Variants in EMC3 observed in about 807,000 individuals in gnomAD.
EMC3 encodes the protein 30 kDa protein.
Under a neutral mutation model 36.6 loss-of-function variants are expected in EMC3, and 13 were observed. That is an observed-to-expected ratio of 0.35 (90% CI 0.23 to 0.56). The LOEUF (loss-of-function observed/expected upper bound fraction) is 0.56, where lower values mean the gene tolerates loss of function less well. Among genes scored for constraint, EMC3 ranks in the 20% least tolerant of loss-of-function variants. The probability of loss-of-function intolerance (pLI) is 0.84; values close to 1 mark genes in which losing one functional copy is unlikely to be tolerated. For synonymous variants in EMC3, 120 were observed against 111.9 expected, an observed-to-expected ratio of 1.07 and a Z score of -0.46; for missense variants, 220 against 324.5, an observed-to-expected ratio of 0.68 and a Z score of 2.47.
chr3:9,987,001 G>C (rs1227043087), upstream of EMC3: 1 of 1,078,808 alleles, frequency 9.3e-7, no homozygotes, highest in East Asian at 7.0e-5. Context: ...GGATCACGAG[G>C]TCAGGGGATC....
intron 5 of EMC3, among the ~76,000 whole-genome samples, chr3:9,973,020 G>A (rs2124905211): frequency 6.6e-6 from 1 of 150,952 alleles, no homozygotes; most frequent in African/African-American, 2.4e-5. Flanking sequence ...AGTAGAGATG[G>A]GGTTTCACAG....
At chr3:9,985,550 T>G (rs182088587) in intron 1 of EMC3, among the ~76,000 whole-genome samples, 1 of 152,320 alleles carries the variant, frequency 6.6e-6, no homozygotes, top group African/African-American at 2.4e-5. Context: ...AGGGGCTACA[T>G]GTCTAGATAA....
chr3:9,986,802 G>A lies in EMC3; in HGVS notation c.-141C>T. On this transcript the variant is annotated 5_prime_UTR_variant, in exon 1 of 8. Transcript: ENST00000245046. ...CAGAACTCTCCTGCGACTGTGAGCC[G>A]AGCTTACTGCCTTCAGCTGGGCTGC... is the stretch of plus-strand genomic sequence containing the variant. 2 of 1,450,558 alleles carry A rather than the reference G, an allele frequency of 1.4e-6. No homozygotes were observed. The highest frequency in any genetic ancestry group is 9.1e-7 in the Non-Finnish European group (1 of 1,100,320). 89.9% of individuals were successfully genotyped at this position (1,450,558 alleles called of 1,614,324 possible).
At chr3:10,007,724 G>C in intron 1 of EMC3, 1 of 1,185,084 alleles carries the variant, frequency 8.4e-7, no homozygotes, top group Admixed American at 2.4e-5. Flanking sequence ...ATCTGTGGGT[G>C]CAGATGCCCA....
At chr3:9,984,788 T>C (rs556779329) in intron 1 of EMC3, among the ~76,000 whole-genome samples, 2 of 152,274 alleles carry the variant, frequency 1.3e-5, no homozygotes, top group African/African-American at 2.4e-5. Context: ...CGCTGTAGTA[T>C]AGTGGAAAAA....
upstream of EMC3, among the ~76,000 whole-genome samples, chr3:9,987,528 T>C (rs1265330979): frequency 6.6e-6 from 1 of 152,176 alleles, no homozygotes. Flanking sequence ...GTTGGGCTTC[T>C]CGGGAAGCCA....
At chr3:9,973,253 G>A (rs1243496965) in intron 5 of EMC3, among the ~76,000 whole-genome samples, 115 of 133,786 alleles carry the variant, frequency 8.6e-4, no homozygotes, top group Middle Eastern at 0.011. Flanking sequence ...GGAGTGCAGT[G>A]GCGCAATCTC....
rs1425240557 is a variant in EMC3, at chr3:9,977,042, C to G, written c.222G>C (p.Leu74Phe). ...NGKYIPKQSFLTRKYYFNNPE... is the reference protein window; with the variant it reads ...NGKYIPKQSFFTRKYYFNNPE... Reference sequence around the variant, plus strand: ...GGTTGTTGAAATAATATTTTCGTGTCAAGAAAGACTAGTAAAAAAAAAAAA... The same window carrying G: ...GGTTGTTGAAATAATATTTTCGTGTGAAGAAAGACTAGTAAAAAAAAAAAA... Residue 74 changes from leucine (L) to phenylalanine (F), a missense_variant, in exon 3 of 8, where the codon TTG becomes TTC. Leu to Phe is a conservative substitution (Grantham distance 22, BLOSUM62 0). This residue lies in a region of EMC3 where 127 missense variants were observed against 174.6 expected (regional missense o/e 0.73). Transcript: ENST00000245046. The G allele has an allele frequency of 1.3e-6, 2 of 1,570,200 alleles. No homozygotes were observed. The highest frequency in any genetic ancestry group is 1.7e-6 in the Non-Finnish European group (2 of 1,158,656).
rs1209408583 is a variant in EMC3 at position 9,963,471 on chromosome 3, A to ATTTTTTTT, written c.*597_*598insAAAAAAAA. The ATTTTTTTT allele has an allele frequency of 2.7e-4, 30 of 109,890 alleles. No individual in the cohort carries two copies. The highest frequency in any genetic ancestry group is 1.0e-3 in the African/African-American group (29 of 28,416). 6.8% of individuals were successfully genotyped at this position (109,890 alleles called of 1,614,324 possible). On this transcript the variant is annotated 3_prime_UTR_variant, in exon 8 of 8. Transcript: ENST00000245046. ...CTAAGATAGATATATATATATATATATATATATTTTTTTTTTTTTTTCAGA... is the reference window on the plus strand; with the variant it reads ...CTAAGATAGATATATATATATATATATTTTTTTTTATATATTTTTTTTTTTTTTTCAGA...
At chr3:9,983,336 T>C (rs1028583589) in intron 1 of EMC3, among the ~76,000 whole-genome samples, 6 of 151,982 alleles carry the variant, frequency 3.9e-5, no homozygotes, top group Non-Finnish European at 8.8e-5. Flanking sequence ...TTAGCAGAGA[T>C]GGGGTTTCAC....
upstream of EMC3, among the ~76,000 whole-genome samples, chr3:9,991,672 G>A (rs2086054035): frequency 6.6e-6 from 1 of 152,076 alleles, no homozygotes; most frequent in African/African-American, 2.4e-5. Context: ...GAGCCTTCAT[G>A]CCCAGCCTGA....
At chr3:9,981,352 T>C (rs1324069169) in intron 1 of EMC3, among the ~76,000 whole-genome samples, 2 of 152,178 alleles carry the variant, frequency 1.3e-5, no homozygotes, top group Non-Finnish European at 2.9e-5. Flanking sequence ...CTGAACAATT[T>C]TGTAAAAATG....
intron 1 of EMC3, among the ~76,000 whole-genome samples, chr3:9,982,478 C>G (rs550542123): frequency 2.0e-5 from 3 of 152,192 alleles, no homozygotes; most frequent in African/African-American, 7.2e-5. Flanking sequence ...TGGTCTCAAT[C>G]TCCTGACCTC....
At chr3:9,981,635 A>G (rs2085912752) in intron 1 of EMC3, 2 of 327,382 alleles carry the variant, frequency 6.1e-6, no homozygotes, top group African/African-American at 2.3e-5. Context: ...GGGTCTTACC[A>G]TGCTGCCAAG....
At chr3:9,987,113 C>T, upstream of EMC3, 1 of 823,658 alleles carries the variant, frequency 1.2e-6, no homozygotes, top group Non-Finnish European at 1.5e-6. Context: ...ACTCGGGAGG[C>T]TGAGGCAGGA....
At chr3:9,972,980 C>T (rs532029256) in intron 5 of EMC3, among the ~76,000 whole-genome samples, 2 of 148,310 alleles carry the variant, frequency 1.3e-5, no homozygotes, top group African/African-American at 5.0e-5. Flanking sequence ...AGGCACCCAT[C>T]ACCACGCCCA....
Position 9,974,475 on chromosome 3 carries a change from C to T in EMC3, c.321G>A (p.Leu107=), listed in dbSNP as rs144799805. 3.6e-3 allele frequency: 5,751 copies of T among 1,609,618 alleles called. 20 individuals carry two copies. Among genetic ancestry groups the T allele is most frequent in the Non-Finnish European group, 3.7e-3 (4,315 of 1,175,918 alleles). The change falls in exon 4 of 8, where the codon TTG becomes TTA. Residue 107 remains leucine (L), a synonymous_variant. Transcript: ENST00000245046. Reference sequence around the variant, plus strand: ...TTACATTCCCTTTCATCATGTCTGTCAACATAGTAGGATCTAAGACAAAAG... The same window carrying T: ...TTACATTCCCTTTCATCATGTCTGTTAACATAGTAGGATCTAAGACAAAAG... ...PPSPMTDPTM[L]TDMMKGNVTN...
chr3:9,973,192 G>A (rs7636817), intron 5 of EMC3, among the ~76,000 whole-genome samples: 3 of 149,528 alleles, frequency 2.0e-5, no homozygotes, highest in Admixed American at 1.3e-4. Context: ...TTCGTTTTTT[G>A]TTTGTTTGTT....
At chr3:10,008,374 C>CA in intron 1 of EMC3, 1 of 1,365,148 alleles carries the variant, frequency 7.3e-7, no homozygotes, top group African/African-American at 1.5e-5. Flanking sequence ...CAAAAACCCA[C>CA]AAACAGAGAA....
Sources: gnomAD v4.1 joint callset for allele counts (sites outside exome capture counted in the v4.1 genomes callset) on GRCh38, gnomAD v4.1.1 for gene constraint, gnomAD v4.1.1 regional missense constraint, MANE v1.5 for transcripts, NCBI Gene and HGNC (gene_info 2026-07-23, HGNC 2026-07-21) for gene names.